The following WDR37 variants were observed in gnomAD, a reference collection of about 807,000 sequenced individuals.
The protein encoded by WDR37 is WD repeat-containing protein 37.
WDR37 carries 19 observed loss-of-function variants against 62.9 expected under a neutral mutation model. That is an observed-to-expected ratio of 0.30 (90% CI 0.21 to 0.44). The LOEUF is 0.44. WDR37 is among the 20% of genes least tolerant of loss of function. The pLI, the probability that WDR37 is intolerant of heterozygous loss-of-function variation, is 1.00. For missense variants in WDR37, 474 were observed against 657.6 expected, an observed-to-expected ratio of 0.72 and a Z score of 3.05; for synonymous variants, 250 against 260.9, an observed-to-expected ratio of 0.96 and a Z score of 0.40.
chr10:1,068,586 A>G (rs1833627486), intron 1 of WDR37, among the ~76,000 whole-genome samples: 2 of 152,176 alleles, frequency 1.3e-5, no homozygotes, highest in African/African-American at 2.4e-5. Flanking sequence ...AGTAATGACA[A>G]TACCAAATGC....
intron 7 of WDR37, among the ~76,000 whole-genome samples, chr10:1,090,354 T>C (rs1240442571): frequency 6.6e-6 from 1 of 152,188 alleles, no homozygotes; most frequent in African/African-American, 2.4e-5. Flanking sequence ...ACGTGGGGTT[T>C]CACCATGTTG....
At chr10:1,066,765 G>A (rs1219169856) in intron 1 of WDR37, among the ~76,000 whole-genome samples, 1 of 152,180 alleles carries the variant, frequency 6.6e-6, no homozygotes, top group Non-Finnish European at 1.5e-5. Flanking sequence ...CTGAGATTGG[G>A]CAATTTACAA....
At chr10:1,068,727 A>T (rs765147724) in intron 1 of WDR37, among the ~76,000 whole-genome samples, 5 of 152,232 alleles carry the variant, frequency 3.3e-5, no homozygotes, top group Non-Finnish European at 7.3e-5. Context: ...ATGATTAAAC[A>T]TAAGCAATTC....
chr10:1,117,530 G>C (rs992516772), intron 11 of WDR37, among the ~76,000 whole-genome samples: 12 of 152,234 alleles, frequency 7.9e-5, no homozygotes, highest in African/African-American at 2.9e-4. Flanking sequence ...CTACTGGACA[G>C]CTTTGTTTCG....
At position 1,106,202 on chromosome 10, in the gene WDR37, G is replaced by T. The variant is rs188715634; in HGVS notation, c.1103+935G>T. Among the ~76,000 whole-genome samples, 935 of 152,222 alleles carry T rather than the reference G, an allele frequency of 6.1e-3. 11 individuals carry two copies. The highest frequency in any genetic ancestry group is 4.4e-3 in the Non-Finnish European group (301 of 68,018). On this transcript the variant is annotated intron_variant, in intron 11 of 13. Transcript: ENST00000263150. The stretch of plus-strand genomic sequence containing the variant: ...CAGTCACGGGGGCTGTCTACCTAGA[G>T]TGTTCCCTGGTTCTTCTCTTTTAAT...
At chr10:1,117,638 G>A (rs1312804527) in intron 11 of WDR37, among the ~76,000 whole-genome samples, 1 of 152,170 alleles carries the variant, frequency 6.6e-6, no homozygotes. Context: ...GGTACTTCAG[G>A]ACAGACTCCG....
At chr10:1,118,448 C>T (rs1403451212) in intron 11 of WDR37, among the ~76,000 whole-genome samples, 1 of 148,436 alleles carries the variant, frequency 6.7e-6, no homozygotes, top group Admixed American at 6.7e-5. Context: ...ACTCAGCCAC[C>T]CTCAGCCAGC....
Position 1,058,032 on chromosome 10 carries a change from G to A in WDR37, c.-41+1064G>A, listed in dbSNP as rs111333979. On this transcript the variant is annotated intron_variant, in intron 1 of 13. Transcript: ENST00000263150. ...TGGTTACTTTCCTGATCAAATTCGAGTCTTTCAAAATAGCTTTTGATATGT... is the reference window on the plus strand; with the variant it reads ...TGGTTACTTTCCTGATCAAATTCGAATCTTTCAAAATAGCTTTTGATATGT... Among the ~76,000 whole-genome samples the A allele has an allele frequency of 8.1e-3, 1,078 of 132,988 alleles. 8 individuals carry two copies. The highest frequency in any genetic ancestry group is 0.026 in the African/African-American group (989 of 37,470). 87.2% of individuals were successfully genotyped at this position (132,988 alleles called of 152,430 possible). A position where few individuals can be genotyped will look rare whatever the true frequency, so the allele number is the denominator to read the frequency against.
intron 2 of WDR37, among the ~76,000 whole-genome samples, chr10:1,073,845 C>T (rs1833792287): frequency 6.6e-6 from 1 of 152,174 alleles, no homozygotes; most frequent in South Asian, 2.1e-4. Context: ...ACTGGAGGGC[C>T]TTCCTTTATG....
At chr10:1,079,989 T>C in intron 3 of WDR37, 22 bp from the exon 4 acceptor site, 1 of 1,610,798 alleles carries the variant, frequency 6.2e-7, no homozygotes, top group African/African-American at 1.3e-5. Context: ...CTTTAGATTT[T>C]TGAAAACTTT....
intron 11 of WDR37, 107 bp from the exon 12 acceptor site, chr10:1,124,111 G>A: frequency 6.7e-7 from 1 of 1,482,106 alleles, no homozygotes; most frequent in Non-Finnish European, 9.2e-7. Context: ...CTGTGAGTTT[G>A]CGCTTCTCCG....
intron 2 of WDR37, among the ~76,000 whole-genome samples, chr10:1,075,440 A>G (rs1334992429): frequency 7.0e-5 from 5 of 71,392 alleles, no homozygotes; most frequent in Middle Eastern, 7.9e-3. Context: ...CAGCCCCCCA[A>G]CGCCCCGACA....
intron 1 of WDR37, among the ~76,000 whole-genome samples, chr10:1,061,306 A>C (rs1282722063): frequency 6.6e-6 from 1 of 152,218 alleles, no homozygotes; most frequent in African/African-American, 2.4e-5. Flanking sequence ...GTAGTTTTAC[A>C]AACACCTGCC....
At chr10:1,075,282 T>TA (rs1283419710) in intron 2 of WDR37, among the ~76,000 whole-genome samples, 1 of 151,642 alleles carries the variant, frequency 6.6e-6, no homozygotes, top group East Asian at 1.9e-4. Context: ...CCTTTTTTTT[T>TA]TTTTTTTTTA....
intron 12 of WDR37, among the ~76,000 whole-genome samples, chr10:1,124,657 AGT>A (rs10522293): frequency 0.026 from 3,866 of 149,224 alleles, 68 homozygotes; most frequent in African/African-American, 0.056. Flanking sequence ...ACCATTGAGC[AGT>A]GTGTGTGTGT....
At chr10:1,109,039 C>T (rs7091502) in intron 11 of WDR37, among the ~76,000 whole-genome samples, 23,362 of 152,110 alleles carry the variant, frequency 0.15, 1,971 homozygotes, top group Non-Finnish European at 0.18. Flanking sequence ...CAGAGGAGGA[C>T]GCAGTGGAGC....
intron 9 of WDR37, among the ~76,000 whole-genome samples, chr10:1,102,698 C>T (rs1834866037): frequency 6.6e-6 from 1 of 152,186 alleles, no homozygotes; most frequent in African/African-American, 2.4e-5. Context: ...GACACCCCCA[C>T]CAGGCCCGGC....
intron 11 of WDR37, among the ~76,000 whole-genome samples, chr10:1,123,628 C>G (rs750749714): frequency 6.6e-6 from 1 of 152,216 alleles, no homozygotes; most frequent in Non-Finnish European, 1.5e-5. Flanking sequence ...GTTTGCACCT[C>G]TTTGGCTGTT....
intron 13 of WDR37, 21 bp downstream of exon 13, chr10:1,125,045 CA>C: frequency 1.2e-6 from 2 of 1,613,988 alleles, no homozygotes; most frequent in Non-Finnish European, 1.7e-6. Context: ...GGTCGGTGAA[CA>C]TATGCAGGGC....
Sources: gnomAD v4.1 joint callset for allele counts (sites outside exome capture counted in the v4.1 genomes callset) on GRCh38, gnomAD v4.1.1 for gene constraint, MANE v1.5 for transcripts, NCBI Gene and HGNC (gene_info 2026-07-23, HGNC 2026-07-21) for gene names.